The following TMC6 variants were observed in gnomAD, a reference collection of about 807,000 sequenced individuals.
The protein encoded by TMC6 is transmembrane channel like 6, also known as transmembrane channel-like protein 6.
TMC6 carries 71 observed loss-of-function variants against 95.4 expected under a neutral mutation model. The ratio of observed to expected loss-of-function variants is 0.74; its 90% confidence interval spans 0.61 to 0.91. The LOEUF is 0.91. Ranked by LOEUF, TMC6 falls within the 40% of genes least tolerant of loss-of-function variation. The probability of loss-of-function intolerance (pLI) is 0.00; values close to 1 mark genes in which losing one functional copy is unlikely to be tolerated. For missense variants in TMC6, 1,074 were observed against 1,079.1 expected, an observed-to-expected ratio of 1.00 and a Z score of 0.07; for synonymous variants, 514 against 483.1, an observed-to-expected ratio of 1.06 and a Z score of -0.84.
In TMC6 at chr17:78,121,551, C is replaced by G. The variant is rs1187013001; in HGVS notation, c.1383+5G>C. ...GCAAGGGCCAGGCTCCCCCCATCCC[C>G]GCACCTGGATCATGAACTCCGAGAA... On this transcript the variant is annotated splice_donor_5th_base_variant and intron_variant, in intron 11 of 19. Coordinates refer to ENST00000590602, the MANE Select transcript of TMC6 (RefSeq NM_001127198.5). The surrounding 1 kb of genome is among the most constrained non-coding windows in gnomAD (Gnocchi z 5.6). 4 of 1,611,106 alleles carry G rather than the reference C, an allele frequency of 2.5e-6. No homozygotes were observed. The highest frequency in any genetic ancestry group is 3.4e-6 in the Non-Finnish European group (4 of 1,179,708).
intron 18 of TMC6, among the ~76,000 whole-genome samples, chr17:78,116,317 C>A (rs1020637739): frequency 6.7e-6 from 1 of 149,596 alleles, no homozygotes; most frequent in African/African-American, 2.5e-5. Context: ...TTCACTGTCA[C>A]CCAGGCTGGA....
intron 4 of TMC6, 74 bp downstream of exon 4, chr17:78,126,203 A>AAGCCC: frequency 6.6e-7 from 1 of 1,520,666 alleles, no homozygotes; most frequent in Non-Finnish European, 8.8e-7. Flanking sequence ...GCCTGGCAGG[A>AAGCCC]AGCCCAGCCC....
chr17:78,120,291 C>G, intron 13 of TMC6: 1 of 376,576 alleles, frequency 2.7e-6, no homozygotes, highest in Non-Finnish European at 5.2e-6. Context: ...TCCCGAGTAG[C>G]TGGGACTACT....
chr17:78,132,150 C>T, upstream of TMC6: 1 of 1,462,110 alleles, frequency 6.8e-7, no homozygotes, highest in Non-Finnish European at 9.2e-7. Flanking sequence ...CCAATCGGCC[C>T]CTCCCCCCTC....
In TMC6 at chr17:78,124,697, G is replaced by A; in HGVS notation, c.718C>T (p.Gln240Ter). Residue 240 changes from glutamine to a stop codon, truncating the protein, a stop_gained, in exon 8 of 20, where the codon CAG becomes TAG. Transcript: ENST00000590602. LOFTEE classifies it high-confidence loss of function. ...WRYALKRIGG[Q>*]FGSSVLSYFL... ...TAGGAGAGCACGCTGGAGCCGAACT[G>A]GCCCCCGATGCGCTTCAGGGCGTAG... The A allele has an allele frequency of 6.2e-7, 1 of 1,601,112 alleles. No individual in the cohort carries two copies. Among genetic ancestry groups the A allele is most frequent in the Non-Finnish European group, 8.5e-7 (1 of 1,174,272 alleles).
At position 78,120,778 on chromosome 17, in the gene TMC6, G is replaced by A. The variant is rs750353199; in HGVS notation, c.1590C>T (p.Gly530=). ...GGCCCTGCAGGACGCCCACCCTGCG[G>A]CCCAGCCAGTGGTAGCACAGTGTCC... ...ILGTLCYHWL[G]RRVGVLQGQC... is the part of the protein sequence containing the mutation. Residue 530 remains glycine (G), a synonymous_variant, in exon 13 of 20, where the codon GGC becomes GGT. Coordinates refer to ENST00000590602, the MANE Select transcript of TMC6 (RefSeq NM_001127198.5). The A allele has an allele frequency of 6.2e-7, 1 of 1,612,694 alleles. No homozygotes were observed. The highest frequency in any genetic ancestry group is 8.5e-7 in the Non-Finnish European group (1 of 1,179,866).
At chr17:78,126,063 G>C in intron 4 of TMC6, 179 bp from the exon 5 acceptor site, 1 of 1,133,524 alleles carries the variant, frequency 8.8e-7, no homozygotes, top group South Asian at 1.5e-5. Flanking sequence ...TGATGACTCT[G>C]GAGTCATTTT....
rs1313371898 is a variant in TMC6, at chr17:78,117,569, G to A, written c.2097C>T (p.Arg699=). Reference sequence around the variant, plus strand: ...CCCTGGGGCCTGCCGCCTCCAGGTGGCGCACCCACACCCTGCCGGCCTCGT... The same window carrying A: ...CCCTGGGGCCTGCCGCCTCCAGGTGACGCACCCACACCCTGCCGGCCTCGT... ...TMYEAGRVWV[R]HLEAAGPRVS... Residue 699 remains arginine, a synonymous_variant, in exon 17 of 20, where the codon CGC becomes CGT. Coordinates refer to ENST00000590602, the MANE Select transcript of TMC6 (RefSeq NM_001127198.5). The A allele has an allele frequency of 4.4e-6, 7 of 1,591,226 alleles. No individual in the cohort carries two copies. Among genetic ancestry groups the A allele is most frequent in the Non-Finnish European group, 5.1e-6 (6 of 1,170,456 alleles).
Position 78,111,088 on chromosome 17 carries a change from G to C in TMC6, c.*2060C>G, listed in dbSNP as rs552182508. Reference sequence around the variant, plus strand: ...TGCTCTTAAAGCTTTCAGCTGATAGGATGAGGCCCACCCACATTCTCAAGG... The same window carrying C: ...TGCTCTTAAAGCTTTCAGCTGATAGCATGAGGCCCACCCACATTCTCAAGG... On this transcript the variant is annotated 3_prime_UTR_variant, in exon 20 of 20. Transcript: ENST00000590602. 6.6e-6 allele frequency: 1 copy of C among 152,226 alleles called. No homozygotes were observed. Among genetic ancestry groups the C allele is most frequent in the Non-Finnish European group, 1.5e-5 (1 of 68,040 alleles). The allele number at this position is 152,226 out of a possible 1,614,324, so 9.4% of individuals were successfully genotyped here. A position where few individuals can be genotyped will look rare whatever the true frequency, so the allele number is the denominator to read the frequency against.
Position 78,112,978 on chromosome 17 carries a change from G to T in TMC6, c.*170C>A. The T allele has an allele frequency of 2.8e-6, 2 of 708,034 alleles. No homozygotes were observed. The highest frequency in any genetic ancestry group is 4.8e-6 in the Non-Finnish European group (2 of 412,930). The allele number at this position is 708,034 out of a possible 1,614,324, so 43.9% of individuals were successfully genotyped here. A position where few individuals can be genotyped will look rare whatever the true frequency, so the allele number is the denominator to read the frequency against. ...AGTCCCAGGCAGGGCAGAGTTCATT[G>T]GGGATGCCCAAGCCGGATTCACCCA... On this transcript the variant is annotated 3_prime_UTR_variant, in exon 20 of 20. Coordinates refer to ENST00000590602, the MANE Select transcript of TMC6 (RefSeq NM_001127198.5).
intron 4 of TMC6, 177 bp from the exon 5 acceptor site, chr17:78,126,061 C>T: frequency 8.8e-7 from 1 of 1,142,784 alleles, no homozygotes; most frequent in South Asian, 1.5e-5. Flanking sequence ...CGTGATGACT[C>T]TGGAGTCATT....
Position 78,112,915 on chromosome 17 carries a change from A to G in TMC6, c.*233T>C. 1 of 578,902 alleles carries G rather than the reference A, an allele frequency of 1.7e-6. No individual in the cohort carries two copies. The highest frequency in any genetic ancestry group is 3.2e-5 in the Admixed American group (1 of 31,506). 35.9% of individuals were successfully genotyped at this position (578,902 alleles called of 1,614,324 possible). ...TCACAGACACAGAGCCCCAAGGGAC[A>G]AGCCCATTTGCAAAACCCCTTTAAT... On this transcript the variant is annotated 3_prime_UTR_variant, in exon 20 of 20. Coordinates refer to ENST00000590602, the MANE Select transcript of TMC6 (RefSeq NM_001127198.5).
intron 18 of TMC6, among the ~76,000 whole-genome samples, chr17:78,115,560 C>T (rs2074032374): frequency 6.6e-6 from 1 of 152,114 alleles, no homozygotes; most frequent in Non-Finnish European, 1.5e-5. Flanking sequence ...GGGGAAAGTG[C>T]CTTGTCTCCA....
intron 8 of TMC6, 138 bp downstream of exon 8, chr17:78,124,386 G>A: frequency 7.0e-7 from 1 of 1,433,952 alleles, no homozygotes; most frequent in Non-Finnish European, 9.5e-7. Flanking sequence ...GGGGGAGGCG[G>A]GGAGCTGGCT....
chr17:78,112,091 T>TC lies in TMC6; in HGVS notation c.*1056dup. On this transcript the variant is annotated 3_prime_UTR_variant, in exon 20 of 20. Coordinates refer to ENST00000590602, the MANE Select transcript of TMC6 (RefSeq NM_001127198.5). ...CCTGGAGCACAGGCTGACGGGCTGG[T>TC]CCCCGCAGGCCTGGAGCACTGAGGC... The TC allele has an allele frequency of 4.7e-6, 1 of 211,378 alleles. No homozygotes were observed. The highest frequency in any genetic ancestry group is 9.5e-6 in the Non-Finnish European group (1 of 105,798). 13.1% of individuals were successfully genotyped at this position (211,378 alleles called of 1,614,324 possible). A position where few individuals can be genotyped will look rare whatever the true frequency, so the allele number is the denominator to read the frequency against.
At chr17:78,115,641 C>CTGCCGGGTG (rs2074046458) in intron 18 of TMC6, among the ~76,000 whole-genome samples, 2 of 149,712 alleles carry the variant, frequency 1.3e-5, no homozygotes, top group African/African-American at 2.5e-5. Context: ...GGCACAGGGG[C>CTGCCGGGTG]GAAGGGAGTG....
intron 18 of TMC6, among the ~76,000 whole-genome samples, chr17:78,115,404 T>G (rs2074016049): frequency 6.6e-6 from 1 of 151,414 alleles, no homozygotes; most frequent in African/African-American, 2.4e-5. Context: ...GGAGGACAAA[T>G]GGCAATGGGA....
At chr17:78,117,964 A>G (rs1469958200) in intron 15 of TMC6, 29 bp from the exon 16 acceptor site, 6 of 1,584,474 alleles carry the variant, frequency 3.8e-6, no homozygotes, top group Admixed American at 3.6e-5. Flanking sequence ...CTCTGCCACC[A>G]TCCTGCTACC....
In TMC6 at chr17:78,124,959, T is replaced by A; in HGVS notation, c.563A>T (p.Lys188Met). ...LREKSRTPRG[K>M]WRGQPGSGGV... The stretch of plus-strand genomic sequence containing the variant: ...GCCGCTGCCCGGCTGGCCCCTCCAC[T>A]TCCCCCTCGGGGTCCTGCTCTTCTC... The change falls in exon 7 of 20, where the codon AAG becomes ATG. Residue 188 changes from lysine to methionine, a missense_variant. Physicochemically the swap from Lys to Met is moderately conservative, Grantham distance 95. Coordinates refer to ENST00000590602, the MANE Select transcript of TMC6 (RefSeq NM_001127198.5). 1 of 1,596,812 alleles carries A rather than the reference T, an allele frequency of 6.3e-7. No individual in the cohort carries two copies. Among genetic ancestry groups the A allele is most frequent in the South Asian group, 1.1e-5 (1 of 89,222 alleles).
Sources: gnomAD v4.1 joint callset for allele counts (sites outside exome capture counted in the v4.1 genomes callset) on GRCh38, gnomAD v4.1.1 for gene constraint, Gnocchi (gnomAD v3.1) non-coding constraint, MANE v1.5 for transcripts, NCBI Gene and HGNC (gene_info 2026-07-23, HGNC 2026-07-21) for gene names.